Variants in LRP11 observed in about 807,000 individuals in gnomAD.
LRP11 encodes LDL receptor related protein 11.
A neutral mutation model predicts 43.1 loss-of-function variants in LRP11; 25 were observed. That is an observed-to-expected ratio of 0.58 (90% CI 0.42 to 0.81). The LOEUF (loss-of-function observed/expected upper bound fraction) is 0.81, where lower values mean the gene tolerates loss of function less well. Among genes scored for constraint, LRP11 ranks in the 30% least tolerant of loss-of-function variants. LRP11 has a pLI of 0.00. For missense variants in LRP11, 623 were observed against 665.1 expected, an observed-to-expected ratio of 0.94 and a Z score of 0.70; for synonymous variants, 316 against 299.4, an observed-to-expected ratio of 1.06 and a Z score of -0.57.
At chr6:149,826,403 G>T in intron 5 of LRP11, 44 bp from the exon 6 acceptor site, 1 of 1,312,856 alleles carries the variant, frequency 7.6e-7, no homozygotes, top group African/African-American at 1.5e-5. Context: ...GTATGCATCA[G>T]AAACTTCAGG....
At chr6:149,853,259 A>G in intron 1 of LRP11, 99 bp from the exon 2 acceptor site, 2 of 901,996 alleles carry the variant, frequency 2.2e-6, no homozygotes, top group Non-Finnish European at 3.2e-6. Flanking sequence ...TTCGGCAAAT[A>G]ACTGCTAAGA....
chr6:149,824,420 C>A (rs1340769394), intron 6 of LRP11, among the ~76,000 whole-genome samples: 1 of 152,198 alleles, frequency 6.6e-6, no homozygotes, highest in Admixed American at 6.5e-5. Context: ...TTATTCTTGA[C>A]TTTTAATATT....
At chr6:149,825,680 C>T (rs950557814) in intron 6 of LRP11, among the ~76,000 whole-genome samples, 2 of 143,560 alleles carry the variant, frequency 1.4e-5, no homozygotes, top group Non-Finnish European at 3.0e-5. Flanking sequence ...TTTTTTGAGA[C>T]GGTCTCACTC....
intron 5 of LRP11, among the ~76,000 whole-genome samples, chr6:149,828,021 CAAA>C (rs565973934): frequency 5.0e-5 from 4 of 79,318 alleles, no homozygotes; most frequent in Non-Finnish European, 5.1e-5. Context: ...GACTCCGTCT[CAAA>C]AAAAAAAAAA....
In LRP11 at chr6:149,842,473, A is replaced by G. The variant is rs1194052123; in HGVS notation, c.913+510T>C. 7.8e-6 allele frequency: 5 copies of G among 641,114 alleles called. No individual in the cohort carries two copies. In the African/African-American group the frequency reaches 9.1e-5, roughly 12 times the overall value. 39.7% of individuals were successfully genotyped at this position (641,114 alleles called of 1,614,324 possible). On this transcript the variant is annotated intron_variant, in intron 3 of 6. Transcript: ENST00000239367. The stretch of plus-strand genomic sequence containing the variant: ...TACATTATCATTAACTATAGTCACC[A>G]TGCTGTGCAACAGATCACCAGAACC...
intron 5 of LRP11, 36 bp from the exon 6 acceptor site, chr6:149,826,395 AT>A (rs1406200172): frequency 6.2e-6 from 9 of 1,450,814 alleles, no homozygotes; most frequent in Non-Finnish European, 6.7e-6. Flanking sequence ...TTGAAGGTGT[AT>A]GCATCAGAAA....
At chr6:149,832,438 T>A (rs1216152017) in intron 5 of LRP11, among the ~76,000 whole-genome samples, 1 of 152,034 alleles carries the variant, frequency 6.6e-6, no homozygotes, top group Admixed American at 6.6e-5. Context: ...TTTGCCTGCC[T>A]CGGCCTCCCA....
intron 2 of LRP11, among the ~76,000 whole-genome samples, chr6:149,847,303 A>C (rs1474590090): frequency 6.6e-6 from 1 of 152,204 alleles, no homozygotes; most frequent in East Asian, 1.9e-4. Flanking sequence ...TCTCTGATAC[A>C]GGCAACACTG....
At chr6:149,834,342 T>C (rs1322007634) in intron 5 of LRP11, among the ~76,000 whole-genome samples, 1 of 152,198 alleles carries the variant, frequency 6.6e-6, no homozygotes, top group African/African-American at 2.4e-5. Context: ...GGAGGACATC[T>C]GGTTGAAGTC....
At chr6:149,855,947 GGAGA>G (rs1776792723) in intron 1 of LRP11, among the ~76,000 whole-genome samples, 1 of 152,168 alleles carries the variant, frequency 6.6e-6, no homozygotes, top group Non-Finnish European at 1.5e-5. Context: ...TGCCAGGTAA[GGAGA>G]GATAGGACAC....
intron 1 of LRP11, among the ~76,000 whole-genome samples, chr6:149,860,953 T>C (rs1776883573): frequency 6.6e-6 from 1 of 151,840 alleles, no homozygotes; most frequent in Non-Finnish European, 1.5e-5. Context: ...ACAGAGTGAG[T>C]TCATGCGTGC....
chr6:149,837,282 C>A (rs1776485210), intron 4 of LRP11, 56 bp downstream of exon 4: 1 of 1,576,364 alleles, frequency 6.3e-7, no homozygotes, highest in Non-Finnish European at 8.6e-7. Flanking sequence ...AGAACACAGA[C>A]CTCCCAACTC....
At position 149,819,310 on chromosome 6, in the gene LRP11, TAAAA is replaced by T. The variant is rs906137279; in HGVS notation, c.*1235_*1238del. ...TTTTAAAATATTTGCCACTTATGGT[TAAAA>T]AAAACGTGAATAAGAATATCATGTG... On this transcript the variant is annotated 3_prime_UTR_variant, in exon 7 of 7. Coordinates refer to ENST00000239367, the MANE Select transcript of LRP11 (RefSeq NM_032832.6). The T allele has an allele frequency of 6.6e-6, 1 of 151,850 alleles. No individual in the cohort carries two copies. Among genetic ancestry groups the T allele is most frequent in the Admixed American group, 6.6e-5 (1 of 15,242 alleles). The allele number at this position is 151,850 out of a possible 1,614,324, so 9.4% of individuals were successfully genotyped here. A position where few individuals can be genotyped will look rare whatever the true frequency, so the allele number is the denominator to read the frequency against.
rs1399266711 is a variant in LRP11 at position 149,837,470 on chromosome 6, G to T, written c.914-7C>A. The T allele has an allele frequency of 3.7e-6, 6 of 1,612,910 alleles. No homozygotes were observed. The African/African-American group carries it at 8.0e-5, about 22-fold the overall frequency. ...GAGCAAGTGTGCAAACATCCTATTT[G>T]TAAACAAATCTCAAGTCACACGAGT... On this transcript the variant is annotated splice_polypyrimidine_tract_variant and splice_region_variant and intron_variant, in intron 3 of 6. Coordinates refer to ENST00000239367, the MANE Select transcript of LRP11 (RefSeq NM_032832.6).
chr6:149,824,071 A>G (rs903985510), intron 6 of LRP11, among the ~76,000 whole-genome samples: 1 of 152,192 alleles, frequency 6.6e-6, no homozygotes, highest in African/African-American at 2.4e-5. Flanking sequence ...GAACAGGACA[A>G]AAAAAGAGAC....
chr6:149,832,831 C>T (rs181689733), intron 5 of LRP11, among the ~76,000 whole-genome samples: 8 of 148,026 alleles, frequency 5.4e-5, no homozygotes, highest in Middle Eastern at 3.8e-3. Flanking sequence ...ATTTTTGAGA[C>T]GGAGTCTTGC....
At chr6:149,852,837 A>C in intron 2 of LRP11, 166 bp downstream of exon 2, 1 of 493,672 alleles carries the variant, frequency 2.0e-6, no homozygotes, top group Non-Finnish European at 3.4e-6. Flanking sequence ...TCAGCAGAAA[A>C]GCACATTGAG....
chr6:149,832,541 T>A (rs1776421725), intron 5 of LRP11, among the ~76,000 whole-genome samples: 1 of 152,036 alleles, frequency 6.6e-6, no homozygotes, highest in Admixed American at 6.6e-5. Context: ...GAGGCAGCAG[T>A]GAATTTAACT....
In LRP11 at chr6:149,863,919, G is replaced by A; in HGVS notation, c.102C>T (p.Ser34=). The change falls in exon 1 of 7, where the codon AGC becomes AGT. Residue 34 remains serine, a synonymous_variant. Coordinates refer to ENST00000239367, the MANE Select transcript of LRP11 (RefSeq NM_032832.6). ...CCGCGGGCGGCAAGGCCGCACGGCC[G>A]CTTGGCAGCCACAGGCAGAGCAGTA... ...GLLLLCLWLP[S]GRAALPPAAP... 1.4e-6 allele frequency: 2 copies of A among 1,480,246 alleles called. No individual in the cohort carries two copies. The highest frequency in any genetic ancestry group is 1.8e-6 in the Non-Finnish European group (2 of 1,122,840). 91.7% of individuals were successfully genotyped at this position (1,480,246 alleles called of 1,614,324 possible).
Sources: gnomAD v4.1 joint callset for allele counts (sites outside exome capture counted in the v4.1 genomes callset) on GRCh38, gnomAD v4.1.1 for gene constraint, MANE v1.5 for transcripts, NCBI Gene and HGNC (gene_info 2026-07-23, HGNC 2026-07-21) for gene names.